SHISA9: variants seen among roughly 807,000 people sequenced by gnomAD.
SHISA9 encodes protein shisa-9.
Under a neutral mutation model 38.0 loss-of-function variants are expected in SHISA9, and 13 were observed. That is an observed-to-expected ratio of 0.34 (90% CI 0.22 to 0.54). SHISA9 has a LOEUF of 0.54. SHISA9 is among the 20% of genes least tolerant of loss of function. The pLI, the probability that SHISA9 is intolerant of heterozygous loss-of-function variation, is 0.91. For missense variants in SHISA9, 538 were observed against 575.8 expected (o/e 0.93, Z 0.67); for synonymous variants, 275 against 242.0 (o/e 1.14, Z -1.27).
the SHISA9 span, among the ~76,000 whole-genome samples, chr16:13,468,940 AAAC>A: frequency 6.6e-6 from 1 of 151,738 alleles, no homozygotes; most frequent in Non-Finnish European, 1.5e-5. Context: ...TATATATATA[AAAC>A]AACAACAACA....
the SHISA9 span, among the ~76,000 whole-genome samples, chr16:13,317,775 A>C: frequency 1.3e-5 from 2 of 152,238 alleles, no homozygotes; most frequent in African/African-American, 4.8e-5. Flanking sequence ...TCAAACTTTG[A>C]AAGTTACAGC....
the SHISA9 span, among the ~76,000 whole-genome samples, chr16:13,550,007 A>C: frequency 6.9e-6 from 1 of 145,038 alleles, no homozygotes; most frequent in South Asian, 2.2e-4. Flanking sequence ...TGGGCAACAG[A>C]GTGAGACTGT....
chr16:13,050,538 C>T (rs924203211), intron 2 of SHISA9, among the ~76,000 whole-genome samples: 1 of 152,104 alleles, frequency 6.6e-6, no homozygotes, highest in African/African-American at 2.4e-5. Context: ...CATCATGTTG[C>T]CCAGGCCAAT....
chr16:13,386,912 A>G, the SHISA9 span, among the ~76,000 whole-genome samples: 1 of 152,348 alleles, frequency 6.6e-6, no homozygotes, highest in Non-Finnish European at 1.5e-5. Context: ...TTTACTATCT[A>G]AATTCATATG....
the SHISA9 span, among the ~76,000 whole-genome samples, chr16:13,385,787 G>T: frequency 1.1e-4 from 17 of 151,938 alleles, no homozygotes; most frequent in East Asian, 3.3e-3. Context: ...ACAAACTGTG[G>T]TATATCCATA....
At chr16:13,153,553 C>G (rs555918274) in intron 2 of SHISA9, among the ~76,000 whole-genome samples, 2 of 152,118 alleles carry the variant, frequency 1.3e-5, no homozygotes, top group Non-Finnish European at 2.9e-5. Flanking sequence ...TGTGGGATTT[C>G]CACAACAGAG....
the SHISA9 span, among the ~76,000 whole-genome samples, chr16:13,516,153 C>G: frequency 6.6e-6 from 1 of 152,186 alleles, no homozygotes; most frequent in Non-Finnish European, 1.5e-5. Context: ...GATCTTCAAC[C>G]CAGATAAACC....
At chr16:13,287,879 G>A in the SHISA9 span, among the ~76,000 whole-genome samples, 1 of 152,136 alleles carries the variant, frequency 6.6e-6, no homozygotes, top group Admixed American at 6.5e-5. Context: ...AGAATCTGGC[G>A]AGTGTTTTCA....
chr16:13,016,452 A>G (rs2072758523), intron 2 of SHISA9, among the ~76,000 whole-genome samples: 1 of 152,188 alleles, frequency 6.6e-6, no homozygotes, highest in Admixed American at 6.5e-5. Flanking sequence ...CAGTTCACAA[A>G]CATACGTCCA....
At chr16:13,478,026 T>A in the SHISA9 span, among the ~76,000 whole-genome samples, 1 of 152,208 alleles carries the variant, frequency 6.6e-6, no homozygotes, top group Non-Finnish European at 1.5e-5. Flanking sequence ...TCTTATTTTC[T>A]GGGGACCTGC....
chr16:13,489,068 C>T, the SHISA9 span, among the ~76,000 whole-genome samples: 1 of 152,110 alleles, frequency 6.6e-6, no homozygotes, highest in Non-Finnish European at 1.5e-5. Context: ...TTTTTTGAGA[C>T]AGAGTTTCAC....
At chr16:12,928,220 T>C (rs577766038) in intron 2 of SHISA9, among the ~76,000 whole-genome samples, 1 of 152,092 alleles carries the variant, frequency 6.6e-6, no homozygotes, top group African/African-American at 2.4e-5. Context: ...AACATAGATT[T>C]GCATTTTTGG....
At chr16:12,953,716 C>T (rs1322946025) in intron 2 of SHISA9, among the ~76,000 whole-genome samples, 2 of 152,170 alleles carry the variant, frequency 1.3e-5, no homozygotes, top group Non-Finnish European at 2.9e-5. Context: ...TTCATTCTCA[C>T]ACTGCTATAA....
the SHISA9 span, among the ~76,000 whole-genome samples, chr16:13,411,641 A>G: frequency 1.3e-5 from 2 of 152,210 alleles, no homozygotes; most frequent in Non-Finnish European, 2.9e-5. Flanking sequence ...CCTTGGCAGT[A>G]TCTCTGAATT....
At position 13,235,023 on chromosome 16, in the gene SHISA9, T is replaced by C. The variant is rs1342107335; in HGVS notation, c.896-7T>C. 21 of 1,538,226 alleles carry C rather than the reference T, an allele frequency of 1.4e-5. No individual in the cohort carries two copies. The highest frequency in any genetic ancestry group is 2.0e-5 in the Admixed American group (1 of 50,170). On this transcript the variant is annotated splice_region_variant and splice_polypyrimidine_tract_variant and intron_variant, in intron 4 of 4. Transcript: ENST00000558583. ...CCCCTTCTTCATCCACCCGTTCCGA[T>C]GTGTAGCTGACAAGGTCAATGACGA...
At chr16:13,116,299 T>C (rs1316912334) in intron 2 of SHISA9, among the ~76,000 whole-genome samples, 1 of 152,212 alleles carries the variant, frequency 6.6e-6, no homozygotes, top group Admixed American at 6.5e-5. Context: ...AAGATGTCAG[T>C]GCCCCAGGTT....
At chr16:13,423,882 A>C in the SHISA9 span, among the ~76,000 whole-genome samples, 1 of 152,128 alleles carries the variant, frequency 6.6e-6, no homozygotes, top group Admixed American at 6.5e-5. Flanking sequence ...TCCTTGCCAC[A>C]TTTTGCCATC....
intron 2 of SHISA9, among the ~76,000 whole-genome samples, chr16:13,000,062 A>G (rs917834671): frequency 2.6e-5 from 4 of 152,208 alleles, no homozygotes; most frequent in Non-Finnish European, 5.9e-5. Context: ...CTCTATCACT[A>G]TAAGTCTTTT....
rs577653969 is a variant in SHISA9, at chr16:13,199,826, G to A, written c.692-3568G>A. On this transcript the variant is annotated intron_variant, in intron 2 of 4. Transcript: ENST00000558583. ...TTCAGGCTCCATGCTCGCTTCCATG[G>A]CCAGGGGTCTGAATTACTGTATAGC... Among the ~76,000 whole-genome samples, 249 of 152,258 alleles carry A rather than the reference G, an allele frequency of 1.6e-3. 2 individuals are homozygous for A. The highest frequency in any genetic ancestry group is 5.7e-3 in the African/African-American group (236 of 41,560).
Sources: gnomAD v4.1 joint callset for allele counts (sites outside exome capture counted in the v4.1 genomes callset) on GRCh38, gnomAD v4.1.1 for gene constraint, MANE v1.5 for transcripts, NCBI Gene and HGNC (gene_info 2026-07-23, HGNC 2026-07-21) for gene names.